Variants in GPR158 observed in about 807,000 individuals in gnomAD.
GPR158 encodes metabotropic glycine receptor.
A neutral mutation model predicts 78.2 loss-of-function variants in GPR158; 30 were observed. The observed-to-expected ratio is 0.38, with a 90% confidence interval of 0.29 to 0.52. The LOEUF (loss-of-function observed/expected upper bound fraction) is 0.52. Ranked by LOEUF, GPR158 falls within the 20% of genes least tolerant of loss-of-function variation. The pLI is 0.83. For missense variants in GPR158, 1,463 were observed against 1,523.5 expected, an observed-to-expected ratio of 0.96 and a Z score of 0.66; for synonymous variants, 581 against 591.1, an observed-to-expected ratio of 0.98 and a Z score of 0.25.
chr10:25,529,622 G>T (rs1007672666), intron 5 of GPR158, among the ~76,000 whole-genome samples: 2 of 152,250 alleles, frequency 1.3e-5, no homozygotes, highest in South Asian at 2.1e-4. Flanking sequence ...CAATATAAAG[G>T]TTACTAATAA....
chr10:25,437,977 G>C (rs1240074558), intron 4 of GPR158, among the ~76,000 whole-genome samples: 1 of 152,326 alleles, frequency 6.6e-6, no homozygotes, highest in East Asian at 1.9e-4. Context: ...AATCAATGCA[G>C]CAGGGAACCA....
At chr10:25,588,934 CAA>C in intron 7 of GPR158, 71 bp from the exon 8 acceptor site, 1 of 515,752 alleles carries the variant, frequency 1.9e-6, no homozygotes, top group Non-Finnish European at 2.9e-6. Flanking sequence ...GAATAATAAA[CAA>C]AATGCATGCT....
Position 25,307,377 on chromosome 10 carries a change from CTTTTTTTTT to C in GPR158, c.1008+86236_1008+86244del, listed in dbSNP as rs561085223. 4.7e-3 allele frequency among the ~76,000 whole-genome samples: 542 copies of C among 114,354 alleles called. 4 individuals carry two copies. Among genetic ancestry groups the C allele is most frequent in the African/African-American group, 0.016 (452 of 29,126 alleles). The allele number at this position is 114,354 out of a possible 152,430, so 75.0% of individuals were successfully genotyped here. A position where few individuals can be genotyped will look rare whatever the true frequency, so the allele number is the denominator to read the frequency against. On this transcript the variant is annotated intron_variant, in intron 2 of 10. Transcript: ENST00000376351. ...GCCATACTCTCGTGTATTTTAATTG[CTTTTTTTTT>C]TTTTTTTTTTTTTTTAAGACAAGGT...
At chr10:25,186,001 C>A (rs1588723726) in intron 1 of GPR158, among the ~76,000 whole-genome samples, 1 of 152,038 alleles carries the variant, frequency 6.6e-6, no homozygotes, top group Non-Finnish European at 1.5e-5. Context: ...ATATAAAAGA[C>A]CAGAAATTAT....
At chr10:25,542,286 T>G (rs1836597753) in intron 5 of GPR158, among the ~76,000 whole-genome samples, 1 of 152,162 alleles carries the variant, frequency 6.6e-6, no homozygotes, top group South Asian at 2.1e-4. Flanking sequence ...GGGGAACTGC[T>G]GTGTTCAACA....
intron 2 of GPR158, among the ~76,000 whole-genome samples, chr10:25,313,962 G>A (rs900066291): frequency 6.6e-5 from 10 of 152,058 alleles, no homozygotes; most frequent in South Asian, 2.1e-4. Context: ...TCAGGGCCTG[G>A]CACTTTTTGG....
chr10:25,280,047 T>TA (rs1174918575), intron 2 of GPR158, among the ~76,000 whole-genome samples: 4 of 148,960 alleles, frequency 2.7e-5, no homozygotes, highest in Admixed American at 2.0e-4. Context: ...TTGTTAGCAA[T>TA]AAAAAAATTC....
intron 2 of GPR158, among the ~76,000 whole-genome samples, chr10:25,361,040 A>G (rs917260286): frequency 3.9e-5 from 6 of 151,918 alleles, no homozygotes; most frequent in Admixed American, 3.3e-4. Flanking sequence ...GAACATTTTC[A>G]TCTTGCAGAT....
chr10:25,253,454 A>G (rs1202746949), intron 2 of GPR158, among the ~76,000 whole-genome samples: 2 of 152,230 alleles, frequency 1.3e-5, no homozygotes, highest in Admixed American at 1.3e-4. Context: ...TGTCAACCTC[A>G]GATACATGAA....
At chr10:25,313,951 A>T (rs1854807119) in intron 2 of GPR158, among the ~76,000 whole-genome samples, 2 of 152,212 alleles carry the variant, frequency 1.3e-5, no homozygotes, top group Admixed American at 1.3e-4. Flanking sequence ...CGATGAAACC[A>T]TCAGGGCCTG....
In GPR158 at chr10:25,327,279, CAA is replaced by C. The variant is rs1412325102; in HGVS notation, c.1009-68630_1009-68629del. 3.3e-3 allele frequency among the ~76,000 whole-genome samples: 504 copies of C among 152,076 alleles called. 3 individuals are homozygous for C. The highest frequency in any genetic ancestry group is 0.011 in the African/African-American group (465 of 41,488). ...ACACACACACACACACACAGAAACA[CAA>C]ACACACACACACAGTAACCTGAAGC... On this transcript the variant is annotated intron_variant, in intron 2 of 10. Coordinates refer to ENST00000376351, the MANE Select transcript of GPR158 (RefSeq NM_020752.3).
Position 25,210,794 on chromosome 10 carries a change from A to G in GPR158, c.903-10258A>G, listed in dbSNP as rs113959749. Reference sequence around the variant, plus strand: ...ATTTTAGACATTACAAAATCATCCAATATGTCATCTTTCAGTTAACTTTGT... The same window carrying G: ...ATTTTAGACATTACAAAATCATCCAGTATGTCATCTTTCAGTTAACTTTGT... On this transcript the variant is annotated intron_variant, in intron 1 of 10. Transcript: ENST00000376351. Among the ~76,000 whole-genome samples the G allele has an allele frequency of 4.5e-4, 69 of 152,290 alleles. 5 individuals are homozygous for G. Among genetic ancestry groups the G allele is most frequent in the African/African-American group, 1.6e-3 (68 of 41,554 alleles).
intron 6 of GPR158, among the ~76,000 whole-genome samples, chr10:25,561,514 G>T (rs116525820): frequency 0.017 from 2,641 of 152,292 alleles, 64 homozygotes; most frequent in African/African-American, 0.06. Context: ...GTAGTAAGCT[G>T]GGAGTAGGGG....
intron 5 of GPR158, among the ~76,000 whole-genome samples, chr10:25,500,962 G>A (rs1835940647): frequency 6.6e-6 from 1 of 152,206 alleles, no homozygotes; most frequent in Admixed American, 6.5e-5. Flanking sequence ...CATTCATACT[G>A]AAGGAAAATG....
At chr10:25,355,287 A>G (rs1855533718) in intron 2 of GPR158, among the ~76,000 whole-genome samples, 1 of 151,848 alleles carries the variant, frequency 6.6e-6, no homozygotes, top group African/African-American at 2.4e-5. Context: ...TTTCATCTGC[A>G]TGAACTATTC....
At chr10:25,371,018 T>C (rs1833982195) in intron 2 of GPR158, among the ~76,000 whole-genome samples, 1 of 145,874 alleles carries the variant, frequency 6.9e-6, no homozygotes, top group Non-Finnish European at 1.5e-5. Context: ...TTCCATTGGC[T>C]TGGTAGATCT....
chr10:25,281,119 G>C (rs1001084661), intron 2 of GPR158, among the ~76,000 whole-genome samples: 33 of 136,450 alleles, frequency 2.4e-4, no homozygotes, highest in Non-Finnish European at 4.5e-4. Flanking sequence ...TGGGCAACAA[G>C]AGTGAAACTC....
intron 2 of GPR158, among the ~76,000 whole-genome samples, chr10:25,387,814 T>C (rs1282730812): frequency 1.3e-5 from 2 of 152,178 alleles, no homozygotes; most frequent in Admixed American, 6.5e-5. Context: ...GTGCCTGGGC[T>C]TCTCCTCAAT....
intron 2 of GPR158, among the ~76,000 whole-genome samples, chr10:25,388,428 C>T (rs186401472): frequency 1.2e-4 from 19 of 152,350 alleles, no homozygotes; most frequent in South Asian, 8.3e-4. Flanking sequence ...GTGGCCTTAA[C>T]CTTGCTCCCT....
Sources: allele counts gnomAD v4.1 joint callset (sites outside exome capture counted in the v4.1 genomes callset), GRCh38; gene constraint gnomAD v4.1.1; transcripts MANE v1.5; gene names NCBI Gene and HGNC (gene_info 2026-07-23, HGNC 2026-07-21).